The following MALRD1 variants were observed in gnomAD, a reference collection of about 807,000 sequenced individuals.
The protein encoded by MALRD1 is MAM and LDL receptor class A domain containing 1, also known as MAM and LDL-receptor class A domain-containing protein 1.
In MALRD1, 247 loss-of-function variants were observed where a neutral mutation model predicts 242.1. The observed-to-expected ratio is 1.02, with a 90% CI of 0.92 to 1.13. MALRD1 has a LOEUF of 1.13. MALRD1 is among the 50% of genes most tolerant of loss of function. The probability of loss-of-function intolerance (pLI) is 0.00; values close to 1 mark genes in which losing one functional copy is unlikely to be tolerated. For synonymous variants in MALRD1, 995 were observed against 866.6 expected, an observed-to-expected ratio of 1.15 and a Z score of -2.60; for missense variants, 2,989 against 2,533.1, an observed-to-expected ratio of 1.18 and a Z score of -3.86.
chr10:19,567,440 C>T (rs1564446413), intron 32 of MALRD1, 62 bp from the exon 33 acceptor site: 1 of 1,352,392 alleles, frequency 7.4e-7, no homozygotes. Context: ...CATCAATCAT[C>T]TGGATGTCCT....
At chr10:19,533,990 T>A (rs572381058) in intron 32 of MALRD1, among the ~76,000 whole-genome samples, 45 of 152,310 alleles carry the variant, frequency 3.0e-4, no homozygotes, top group African/African-American at 1.1e-3. Context: ...TAGACTAGGC[T>A]TGGGGCTGTT....
In MALRD1 at chr10:19,516,006, G is replaced by A. The variant is rs190938566; in HGVS notation, c.5321-15188G>A. On this transcript the variant is annotated intron_variant, in intron 31 of 39. Transcript: ENST00000454679. ...CTTGGATTACTTATGAAGATGAGAC[G>A]TTAAACAACTAGCTATCGTCTTAAG... Among the ~76,000 whole-genome samples, 8 of 152,250 alleles carry A rather than the reference G, an allele frequency of 5.3e-5. No individual in the cohort carries two copies. The East Asian group carries it at 7.7e-4, about 15-fold the overall frequency.
In MALRD1 at chr10:19,155,216, A is replaced by G. The variant is rs1323336846; in HGVS notation, c.1656+44A>G. On this transcript the variant is annotated intron_variant, in intron 12 of 39. Coordinates refer to ENST00000454679, the MANE Select transcript of MALRD1 (RefSeq NM_001142308.3). ...TTTCCACTGGCCATTCTGCGGTTGTAAATCGCTGAGCTTGGGTTACTCTGC... is the reference window on the plus strand; with the variant it reads ...TTTCCACTGGCCATTCTGCGGTTGTGAATCGCTGAGCTTGGGTTACTCTGC... 7.3e-6 allele frequency: 8 copies of G among 1,102,128 alleles called. No individual in the cohort carries two copies. In the Admixed American group the frequency reaches 2.1e-4, roughly 29 times the overall value. 68.3% of individuals were successfully genotyped at this position (1,102,128 alleles called of 1,614,324 possible).
intron 28 of MALRD1, among the ~76,000 whole-genome samples, chr10:19,445,655 TTCCTC>T (rs1445562457): frequency 3.9e-5 from 6 of 152,182 alleles, no homozygotes; most frequent in Admixed American, 1.3e-4. Context: ...TGCCTGATCG[TTCCTC>T]TGGAATCTTT....
intron 5 of MALRD1, among the ~76,000 whole-genome samples, chr10:19,122,332 G>A (rs571135853): frequency 2.0e-5 from 3 of 152,198 alleles, no homozygotes; most frequent in East Asian, 1.9e-4. Context: ...ACAAGGAAAC[G>A]TTATCATCAT....
At position 19,692,311 on chromosome 10, in the gene MALRD1, G is replaced by A. The variant is rs1302836650; in HGVS notation, c.6167G>A (p.Cys2056Tyr). 5.9e-6 allele frequency: 9 copies of A among 1,534,912 alleles called. No individual in the cohort carries two copies. Among genetic ancestry groups the A allele is most frequent in the Non-Finnish European group, 5.2e-6 (6 of 1,146,300 alleles). Residue 2056 changes from cysteine (C) to tyrosine (Y), a missense_variant, in exon 37 of 40, where the codon TGC (cysteine) becomes TAC (tyrosine). Coordinates refer to ENST00000454679, the MANE Select transcript of MALRD1 (RefSeq NM_001142308.3). Reference protein sequence around the residue: ...RCRQGWKGNRCHIKFNPPATD... With the variant: ...RCRQGWKGNRYHIKFNPPATD... Reference sequence around the variant, plus strand: ...AGACAAGGCTGGAAAGGAAATCGATGCCATATCAAGTTTAATCCTCCTGCT... The same window carrying A: ...AGACAAGGCTGGAAAGGAAATCGATACCATATCAAGTTTAATCCTCCTGCT...
intron 18 of MALRD1, among the ~76,000 whole-genome samples, chr10:19,216,380 C>T (rs994789626): frequency 5.3e-5 from 8 of 151,584 alleles, no homozygotes; most frequent in Admixed American, 2.0e-4. Context: ...CCTCCCAAAG[C>T]GCTGGGATTA....
chr10:19,077,898 A>T (rs1313064233), intron 2 of MALRD1, among the ~76,000 whole-genome samples: 1 of 151,924 alleles, frequency 6.6e-6, no homozygotes, highest in Non-Finnish European at 1.5e-5. Flanking sequence ...TCACTTAATT[A>T]TACTATTTTC....
intron 13 of MALRD1, among the ~76,000 whole-genome samples, chr10:19,171,637 TACACACAC>T (rs61575769): frequency 1.9e-5 from 2 of 104,900 alleles, no homozygotes; most frequent in Admixed American, 9.7e-5. Context: ...TGTATATAAA[TACACACAC>T]ACATATATAT....
chr10:19,381,586 G>A (rs1411673365), intron 26 of MALRD1, among the ~76,000 whole-genome samples: 4 of 151,720 alleles, frequency 2.6e-5, no homozygotes, highest in African/African-American at 7.3e-5. Context: ...CCAGCACAAC[G>A]GGAGGCCAAG....
At chr10:19,361,593 G>A (rs946589822) in intron 26 of MALRD1, among the ~76,000 whole-genome samples, 1 of 152,080 alleles carries the variant, frequency 6.6e-6, no homozygotes, top group Non-Finnish European at 1.5e-5. Context: ...TTAACTGAAT[G>A]TTGGCTTATC....
intron 5 of MALRD1, among the ~76,000 whole-genome samples, chr10:19,107,837 TA>T (rs999035334): frequency 6.6e-6 from 1 of 152,112 alleles, no homozygotes; most frequent in Non-Finnish European, 1.5e-5. Context: ...GGCTTACATT[TA>T]AAAAATCTTA....
At chr10:19,645,946 C>G (rs1309116964) in intron 36 of MALRD1, among the ~76,000 whole-genome samples, 1 of 151,864 alleles carries the variant, frequency 6.6e-6, no homozygotes, top group Non-Finnish European at 1.5e-5. Context: ...AATTAAACAA[C>G]AACTTGTCTG....
chr10:19,694,550 G>A (rs952603886), intron 38 of MALRD1, among the ~76,000 whole-genome samples: 20 of 152,110 alleles, frequency 1.3e-4, no homozygotes, highest in East Asian at 7.7e-4. Context: ...TTAGAATGGC[G>A]ATCATTAAAA....
intron 36 of MALRD1, among the ~76,000 whole-genome samples, chr10:19,629,747 T>C (rs719861): frequency 0.098 from 14,972 of 152,182 alleles, 1,855 homozygotes; most frequent in African/African-American, 0.29. Flanking sequence ...ACAAAAAAGT[T>C]ATTCCTCAGA....
Position 19,331,517 on chromosome 10 carries a change from A to T in MALRD1, c.3836A>T (p.Lys1279Ile). The T allele has an allele frequency of 6.5e-7, 1 of 1,550,344 alleles. No individual in the cohort carries two copies. Among genetic ancestry groups the T allele is most frequent in the Non-Finnish European group, 8.7e-7 (1 of 1,146,818 alleles). The change falls in exon 24 of 40, where the codon AAA (lysine) becomes ATA (isoleucine). Residue 1279 changes from lysine (K) to isoleucine (I), a missense_variant. By Grantham distance (102) the Lys-to-Ile change is moderately radical. Coordinates refer to ENST00000454679, the MANE Select transcript of MALRD1 (RefSeq NM_001142308.3). ...TGTGCTAATAAGCACTGCATTGCCA[A>T]AGACAAGCTGTGTGATTTTGTGAAT... is the stretch of plus-strand genomic sequence containing the variant. ...FMCANKHCIA[K>I]DKLCDFVNDC...
Position 19,296,125 on chromosome 10 carries a change from G to C in MALRD1, c.3419+12944G>C, listed in dbSNP as rs186913122. Among the ~76,000 whole-genome samples, 10 of 152,178 alleles carry C rather than the reference G, an allele frequency of 6.6e-5. No individual in the cohort carries two copies. In the East Asian group the frequency reaches 1.9e-3, roughly 29 times the overall value. On this transcript the variant is annotated intron_variant, in intron 21 of 39. Transcript: ENST00000454679. ...GCAAGGGTGGGCCGCCAACTCTTGG[G>C]AAACAGCCATCTATACTAGGCAGAT...
At chr10:19,547,277 G>GT (rs1350003782) in intron 32 of MALRD1, among the ~76,000 whole-genome samples, 1 of 152,004 alleles carries the variant, frequency 6.6e-6, no homozygotes, top group Admixed American at 6.6e-5. Context: ...GTAGCTATAC[G>GT]TTTTTTCAGT....
intron 28 of MALRD1, among the ~76,000 whole-genome samples, chr10:19,418,550 C>T (rs1426560519): frequency 1.3e-5 from 2 of 151,816 alleles, no homozygotes; most frequent in Non-Finnish European, 2.9e-5. Flanking sequence ...AAATTGTTTA[C>T]AATAACAGAG....
Sources: allele counts gnomAD v4.1 joint callset (sites outside exome capture counted in the v4.1 genomes callset), GRCh38; gene constraint gnomAD v4.1.1; transcripts MANE v1.5; gene names NCBI Gene and HGNC (gene_info 2026-07-23, HGNC 2026-07-21).